Variants in GRIP1 observed in about 807,000 individuals in gnomAD.
GRIP1 encodes glutamate receptor interacting protein 1.
Under a neutral mutation model 129.9 loss-of-function variants are expected in GRIP1, and 45 were observed. The observed-to-expected ratio is 0.35, with a 90% CI of 0.27 to 0.44. The LOEUF (loss-of-function observed/expected upper bound fraction) is 0.44, where lower values mean the gene tolerates loss of function less well. GRIP1 is among the 20% of genes least tolerant of loss of function. GRIP1 has a pLI of 1.00. For synonymous variants in GRIP1, 530 were observed against 520.8 expected (o/e 1.02, Z -0.24); for missense variants, 1,196 against 1,396.8 (o/e 0.86, Z 2.29).
rs367781032 is a variant in GRIP1 at position 66,371,905 on chromosome 12, G to A, written c.2801C>T (p.Thr934Met). 1.1e-4 allele frequency: 180 copies of A among 1,610,722 alleles called. No homozygotes were observed. Among genetic ancestry groups the A allele is most frequent in the Non-Finnish European group, 1.4e-4 (166 of 1,178,820 alleles). The part of the protein sequence containing the change: ...TLLATIMSGS[T>M]MSLNHEAPTP... ...TGGAGCCTCATGATTCAAACTCATCGTGCTCCCCGACATGATTGTTGCCTG... is the reference window on the plus strand; with the variant it reads ...TGGAGCCTCATGATTCAAACTCATCATGCTCCCCGACATGATTGTTGCCTG... Residue 934 changes from threonine (T) to methionine (M), a missense_variant, in exon 23 of 25, where the codon ACG (threonine) becomes ATG (methionine). Coordinates refer to ENST00000359742, the MANE Select transcript of GRIP1 (RefSeq NM_001366722.1).
intron 1 of GRIP1, among the ~76,000 whole-genome samples, chr12:66,760,239 C>T (rs1317572768): frequency 1.3e-5 from 2 of 152,116 alleles, no homozygotes; most frequent in African/African-American, 4.8e-5. Flanking sequence ...CTTCTGAGCC[C>T]TCCAAACTGT....
intron 1 of GRIP1, among the ~76,000 whole-genome samples, chr12:66,719,115 A>G (rs1352603953): frequency 6.6e-6 from 1 of 152,142 alleles, no homozygotes; most frequent in Non-Finnish European, 1.5e-5. Flanking sequence ...TGGTTACCAT[A>G]TAGAGGCAAA....
At chr12:66,989,131 A>G (rs1488794632) in intron 1 of GRIP1, among the ~76,000 whole-genome samples, 1 of 152,258 alleles carries the variant, frequency 6.6e-6, no homozygotes, top group Admixed American at 6.5e-5. Context: ...TGAATCACAC[A>G]ATCCTGGCTC....
intron 1 of GRIP1, among the ~76,000 whole-genome samples, chr12:67,004,120 C>A (rs2042592815): frequency 6.6e-6 from 1 of 152,160 alleles, no homozygotes; most frequent in African/African-American, 2.4e-5. Flanking sequence ...ATCTCAAGAT[C>A]CTTAACTACT....
At chr12:66,350,927 C>T (rs751230628) in intron 24 of GRIP1, among the ~76,000 whole-genome samples, 1 of 152,188 alleles carries the variant, frequency 6.6e-6, no homozygotes, top group Admixed American at 6.5e-5. Context: ...ATTCAAGGCC[C>T]TTTATAATCT....
chr12:66,951,321 C>G (rs1381586519), intron 1 of GRIP1, among the ~76,000 whole-genome samples: 1 of 152,128 alleles, frequency 6.6e-6, no homozygotes, highest in Non-Finnish European at 1.5e-5. Context: ...AAGTAGTTAA[C>G]TAAGCGGAGT....
rs1566104110 is a variant in GRIP1, at chr12:66,979,253, A to AAAAAAC, written c.58+89796_58+89797insGTTTTT. The stretch of plus-strand genomic sequence containing the variant: ...AAAAAAAAAAAAAAAAAAAAAAAAA[A>AAAAAAC]ACAAGCCCGTCATCCTGCAAGTACC... On this transcript the variant is annotated intron_variant, in intron 1 of 1. Transcript: ENST00000643019. Among the ~76,000 whole-genome samples the AAAAAAC allele has an allele frequency of 2.2e-5, 3 of 134,726 alleles. No individual in the cohort carries two copies. In the East Asian group the frequency reaches 5.9e-4, roughly 26 times the overall value. The allele number at this position is 134,726 out of a possible 152,430, so 88.4% of individuals were successfully genotyped here. A position where few individuals can be genotyped will look rare whatever the true frequency, so the allele number is the denominator to read the frequency against.
chr12:66,450,327 AAAAAAAG>A (rs2058753071), intron 11 of GRIP1, among the ~76,000 whole-genome samples: 1 of 149,082 alleles, frequency 6.7e-6, no homozygotes, highest in East Asian at 2.0e-4. Context: ...AAAAAAAAAA[AAAAAAAG>A]AAAGAGCCAA....
intron 23 of GRIP1, among the ~76,000 whole-genome samples, chr12:66,371,014 AC>A (rs1166858688): frequency 6.6e-6 from 1 of 152,028 alleles, no homozygotes; most frequent in Non-Finnish European, 1.5e-5. Context: ...TTGAACCTGA[AC>A]CCCTTTTTCT....
At chr12:66,965,817 A>C (rs1055977162) in intron 1 of GRIP1, among the ~76,000 whole-genome samples, 6 of 152,178 alleles carry the variant, frequency 3.9e-5, no homozygotes, top group Non-Finnish European at 8.8e-5. Context: ...TTAATGCATG[A>C]ATGAACCACA....
intron 1 of GRIP1, among the ~76,000 whole-genome samples, chr12:67,020,139 GA>G (rs2042844133): frequency 6.6e-6 from 1 of 152,048 alleles, no homozygotes; most frequent in Admixed American, 6.6e-5. Context: ...AATAAATGTA[GA>G]AAACAGTTTT....
chr12:66,986,951 T>C (rs900977023), intron 1 of GRIP1, among the ~76,000 whole-genome samples: 1 of 152,124 alleles, frequency 6.6e-6, no homozygotes. Flanking sequence ...AGAGACATCA[T>C]ATAAATCTAA....
chr12:66,392,257 G>T, intron 19 of GRIP1, 51 bp downstream of exon 19: 1 of 1,062,626 alleles, frequency 9.4e-7, no homozygotes, highest in Non-Finnish European at 1.5e-6. Context: ...TCTTGGAGAA[G>T]CATGGGCTTC....
intron 1 of GRIP1, among the ~76,000 whole-genome samples, chr12:66,651,098 A>C (rs1471886075): frequency 6.6e-6 from 1 of 152,148 alleles, no homozygotes; most frequent in African/African-American, 2.4e-5. Flanking sequence ...AGCTCCTCCT[A>C]GTAGAACATT....
intron 1 of GRIP1, among the ~76,000 whole-genome samples, chr12:66,988,294 TAATA>T (rs1014915891): frequency 3.9e-5 from 6 of 152,138 alleles, no homozygotes; most frequent in African/African-American, 7.2e-5. Context: ...AAAATAATAA[TAATA>T]AATAAACAGA....
chr12:66,979,240 A>ACAACAAC (rs1238523474), intron 1 of GRIP1, among the ~76,000 whole-genome samples: 3 of 146,364 alleles, frequency 2.0e-5, no homozygotes, highest in Admixed American at 6.9e-5. Context: ...AAAAAAAAAA[A>ACAACAAC]AAAAAAAAAA....
intron 1 of GRIP1, among the ~76,000 whole-genome samples, chr12:66,605,949 G>A (rs2064504827): frequency 6.6e-6 from 1 of 152,106 alleles, no homozygotes. Context: ...ATAACCTTGA[G>A]TAACATTTTG....
intron 1 of GRIP1, among the ~76,000 whole-genome samples, chr12:66,835,734 T>C (rs1018786175): frequency 4.6e-5 from 7 of 152,186 alleles, no homozygotes; most frequent in African/African-American, 1.7e-4. Context: ...ACAGTGATTG[T>C]TGGGTGTTGG....
intron 7 of GRIP1, among the ~76,000 whole-genome samples, chr12:66,482,696 A>G (rs1358851556): frequency 6.6e-6 from 1 of 152,242 alleles, no homozygotes; most frequent in African/African-American, 2.4e-5. Flanking sequence ...AATAAGATGC[A>G]TAGGAAAATA....
Sources: allele counts gnomAD v4.1 joint callset (sites outside exome capture counted in the v4.1 genomes callset), GRCh38; gene constraint gnomAD v4.1.1; transcripts MANE v1.5; gene names NCBI Gene and HGNC (gene_info 2026-07-23, HGNC 2026-07-21).